LY75: variants seen among roughly 807,000 people sequenced by gnomAD.
LY75 encodes the protein C-type lectin domain family 13 member B.
LY75 carries 185 observed loss-of-function variants against 231.7 expected under a neutral mutation model. That is an observed-to-expected ratio of 0.80 (90% CI 0.71 to 0.90). LY75 has a LOEUF of 0.90. Ranked by LOEUF, LY75 falls within the 40% of genes least tolerant of loss-of-function variation. The probability of loss-of-function intolerance (pLI) is 0.00; values close to 1 mark genes in which losing one functional copy is unlikely to be tolerated. For missense variants in LY75, 1,947 were observed against 2,050.2 expected (o/e 0.95, Z 0.97); for synonymous variants, 668 against 689.0 (o/e 0.97, Z 0.48).
intron 29 of LY75, 73 bp downstream of exon 29, chr2:159,819,653 C>A: frequency 1.3e-6 from 2 of 1,495,022 alleles, no homozygotes; most frequent in Non-Finnish European, 1.8e-6. Flanking sequence ...TTGTATGATT[C>A]CCACTGGTGG....
intron 19 of LY75, 82 bp downstream of exon 19, chr2:159,853,548 A>T: frequency 6.3e-7 from 1 of 1,583,746 alleles, no homozygotes; most frequent in Non-Finnish European, 8.6e-7. Flanking sequence ...CAAACTACTT[A>T]TAAATAGAAA....
At chr2:159,825,894 G>A (rs538041020) in intron 28 of LY75, among the ~76,000 whole-genome samples, 1 of 152,212 alleles carries the variant, frequency 6.6e-6, no homozygotes, top group African/African-American at 2.4e-5. Context: ...AAAGGCCTTC[G>A]ACAAAATTCA....
At chr2:159,879,767 C>T (rs13029637) in intron 8 of LY75, among the ~76,000 whole-genome samples, 36,948 of 152,028 alleles carry the variant, frequency 0.24, 5,166 homozygotes, top group South Asian at 0.59. Context: ...GGTTTCCTCA[C>T]GTGTAAAATG....
In LY75 at chr2:159,835,519, T is replaced by G. The variant is rs1193548142; in HGVS notation, c.3634A>C (p.Asn1212His). Reference protein sequence around the residue: ...TDGFWKTVDCNDNQPGAICYY... With the variant: ...TDGFWKTVDCHDNQPGAICYY... ...CAAATAGCACCTGGTTGATTGTCAT[T>G]GCAATCAACTGTTTTCCAGAATCCA... Residue 1212 changes from asparagine (N) to histidine (H), a missense_variant, in exon 26 of 35, where the codon AAT (asparagine) becomes CAT (histidine). By Grantham distance (68) the Asn-to-His change is moderately conservative (BLOSUM62 1). Coordinates refer to ENST00000263636, the MANE Select transcript of LY75 (RefSeq NM_002349.4). 1 of 1,612,052 alleles carries G rather than the reference T, an allele frequency of 6.2e-7. No homozygotes were observed. Among genetic ancestry groups the G allele is most frequent in the Non-Finnish European group, 8.5e-7 (1 of 1,179,278 alleles).
intron 13 of LY75, among the ~76,000 whole-genome samples, chr2:159,865,197 T>C (rs1209721773): frequency 6.6e-6 from 1 of 152,206 alleles, no homozygotes; most frequent in Non-Finnish European, 1.5e-5. Flanking sequence ...AGACTTTTAC[T>C]GTAGTGCTTG....
At chr2:159,842,417 G>A (rs1407128674) in intron 23 of LY75, 43 bp from the exon 24 acceptor site, 5 of 1,563,768 alleles carry the variant, frequency 3.2e-6, no homozygotes, top group Admixed American at 1.8e-5. Flanking sequence ...ATGTAACAAT[G>A]GTCTGAAGCT....
rs769278502 is a variant in LY75, at chr2:159,835,540, A to G, written c.3613T>C (p.Phe1205Leu). ...TCATTGCAATCAACTGTTTTCCAGA[A>G]TCCATCAGTGTCTAATACTACACAG... ...EDCVVLDTDG[F>L]WKTVDCNDNQ... The change falls in exon 26 of 35, where the codon TTC (phenylalanine) becomes CTC (leucine). Residue 1205 changes from phenylalanine to leucine, a missense_variant. Phe to Leu is a conservative substitution (Grantham distance 22). Transcript: ENST00000263636. 3 of 1,613,056 alleles carry G rather than the reference A, an allele frequency of 1.9e-6. No homozygotes were observed. The African/African-American group carries it at 4.0e-5, about 22-fold the overall frequency.
chr2:159,876,599 A>G (rs1232481123), intron 11 of LY75, among the ~76,000 whole-genome samples: 4 of 152,142 alleles, frequency 2.6e-5, no homozygotes. Flanking sequence ...AGAGCTTCAC[A>G]TAGCCTTTCT....
intron 1 of LY75, among the ~76,000 whole-genome samples, chr2:159,901,853 C>T (rs1686090862): frequency 6.6e-6 from 1 of 152,178 alleles, no homozygotes; most frequent in African/African-American, 2.4e-5. Flanking sequence ...TTATTAGCCT[C>T]CATATATAAG....
rs577911275 is a variant in LY75, at chr2:159,864,996, A to C, written c.2118-76T>G. The C allele has an allele frequency of 9.2e-6, 12 of 1,304,798 alleles. No homozygotes were observed. The African/African-American group carries it at 1.8e-4, about 20-fold the overall frequency. The allele number at this position is 1,304,798 out of a possible 1,614,324, so 80.8% of individuals were successfully genotyped here. A position where few individuals can be genotyped will look rare whatever the true frequency, so the allele number is the denominator to read the frequency against. The stretch of plus-strand genomic sequence containing the variant: ...TTTAGCACTCACATGTCTAATGTGC[A>C]TCACTAATTGAAAAGCACAGTTTCA... On this transcript the variant is annotated intron_variant, in intron 13 of 34. Coordinates refer to ENST00000263636, the MANE Select transcript of LY75 (RefSeq NM_002349.4).
intron 29 of LY75, among the ~76,000 whole-genome samples, chr2:159,818,670 T>G (rs888845466): frequency 4.6e-5 from 7 of 152,180 alleles, no homozygotes; most frequent in Non-Finnish European, 4.4e-5. Flanking sequence ...TTGTGACAAA[T>G]GTACCATACT....
chr2:159,822,177 G>A (rs949565051), intron 28 of LY75, among the ~76,000 whole-genome samples: 2 of 152,182 alleles, frequency 1.3e-5, no homozygotes, highest in African/African-American at 4.8e-5. Context: ...GAATGCCGGT[G>A]AGACAGAACT....
chr2:159,881,698 T>C (rs957478175), intron 7 of LY75, among the ~76,000 whole-genome samples: 1 of 152,172 alleles, frequency 6.6e-6, no homozygotes, highest in Non-Finnish European at 1.5e-5. Context: ...GTCCGTCTAG[T>C]ATATTTTCCT....
At chr2:159,850,796 ATATT>A (rs1425938931) in intron 21 of LY75, among the ~76,000 whole-genome samples, 2 of 133,092 alleles carry the variant, frequency 1.5e-5, no homozygotes, top group Non-Finnish European at 3.2e-5. Flanking sequence ...ATATATATAT[ATATT>A]ATATCTTATA....
chr2:159,845,550 T>A (rs567170586), intron 23 of LY75, among the ~76,000 whole-genome samples: 4 of 151,174 alleles, frequency 2.6e-5, no homozygotes, highest in East Asian at 4.0e-4. Flanking sequence ...TGAGAAAAAA[T>A]TTTTTTTGTC....
At chr2:159,874,547 A>AAAT (rs1685155193) in intron 12 of LY75, among the ~76,000 whole-genome samples, 1 of 71,328 alleles carries the variant, frequency 1.4e-5, no homozygotes, top group African/African-American at 3.9e-5. Context: ...ATAAATATGT[A>AAAT]CATATTTTGT....
chr2:159,889,321 C>T (rs1345720843), intron 4 of LY75, among the ~76,000 whole-genome samples: 1 of 152,134 alleles, frequency 6.6e-6, no homozygotes, highest in African/African-American at 2.4e-5. Context: ...TTCAATCTCC[C>T]AGGCTCAAGC....
intron 11 of LY75, among the ~76,000 whole-genome samples, chr2:159,877,122 T>C (rs1163186417): frequency 3.3e-5 from 5 of 151,918 alleles, no homozygotes; most frequent in East Asian, 3.8e-4. Flanking sequence ...AACATCTGTA[T>C]ACTCTATCTT....
Position 159,854,647 on chromosome 2 carries a change from C to T in LY75, c.2420-112G>A, listed in dbSNP as rs188362161. 128 of 1,330,340 alleles carry T rather than the reference C, an allele frequency of 9.6e-5. 1 individual carries two copies. The South Asian group carries it at 1.3e-3, about 13-fold the overall frequency. The allele number at this position is 1,330,340 out of a possible 1,614,324, so 82.4% of individuals were successfully genotyped here. ...AATAGTAATTCAGATTACCGGCCCTCTCTGGCTGGGGCAGTACTGACTACA... is the reference window on the plus strand; with the variant it reads ...AATAGTAATTCAGATTACCGGCCCTTTCTGGCTGGGGCAGTACTGACTACA... On this transcript the variant is annotated intron_variant, in intron 17 of 34. Transcript: ENST00000263636.
Sources: gnomAD v4.1 joint callset for allele counts (sites outside exome capture counted in the v4.1 genomes callset) on GRCh38, gnomAD v4.1.1 for gene constraint, MANE v1.5 for transcripts, NCBI Gene and HGNC (gene_info 2026-07-23, HGNC 2026-07-21) for gene names.